ANKRD27: variants seen among roughly 807,000 people sequenced by gnomAD.
ANKRD27 encodes ankyrin repeat domain-containing protein 27.
Under a neutral mutation model 129.7 loss-of-function variants are expected in ANKRD27, and 112 were observed. The ratio of observed to expected loss-of-function variants is 0.86; its 90% confidence interval spans 0.74 to 1.01. The LOEUF is 1.01. ANKRD27 is among the 50% of genes least tolerant of loss of function. The pLI is 0.00. For synonymous variants in ANKRD27, 516 were observed against 511.2 expected (o/e 1.01, Z -0.13); for missense variants, 1,258 against 1,300.5 (o/e 0.97, Z 0.50).
chr19:32,672,526 T>C (rs1238997186), intron 1 of ANKRD27, among the ~76,000 whole-genome samples: 1 of 152,164 alleles, frequency 6.6e-6, no homozygotes, highest in Non-Finnish European at 1.5e-5. Flanking sequence ...GGAACTCCAC[T>C]GTCCATATCC....
chr19:32,599,339 A>G (rs953527686), intron 28 of ANKRD27, among the ~76,000 whole-genome samples: 1 of 152,168 alleles, frequency 6.6e-6, no homozygotes, highest in African/African-American at 2.4e-5. Context: ...TGTCTGAGCA[A>G]CTGTACACCA....
chr19:32,619,220 C>A, intron 20 of ANKRD27, 40 bp downstream of exon 20: 1 of 1,593,590 alleles, frequency 6.3e-7, no homozygotes, highest in Non-Finnish European at 8.5e-7. Flanking sequence ...CCAGGGCCGC[C>A]AAGGCCTCCC....
intron 20 of ANKRD27, 120 bp downstream of exon 20, chr19:32,619,140 C>G (rs1971967622): frequency 7.3e-7 from 1 of 1,361,950 alleles, no homozygotes; most frequent in African/African-American, 1.4e-5. Flanking sequence ...CAGCAGCGGC[C>G]TCAGCATGGG....
chr19:32,656,331 G>A (rs1967536315), intron 2 of ANKRD27, among the ~76,000 whole-genome samples: 3 of 152,212 alleles, frequency 2.0e-5, no homozygotes, highest in Admixed American at 6.5e-5. Flanking sequence ...AAGACAGGAA[G>A]AGAGGAAATA....
At chr19:32,636,663 C>G (rs1261355249) in intron 12 of ANKRD27, among the ~76,000 whole-genome samples, 1 of 151,242 alleles carries the variant, frequency 6.6e-6, no homozygotes, top group Non-Finnish European at 1.5e-5. Flanking sequence ...AAATATTAGT[C>G]TTCTAATTAG....
At chr19:32,655,616 C>T (rs900597555) in intron 2 of ANKRD27, among the ~76,000 whole-genome samples, 2 of 152,134 alleles carry the variant, frequency 1.3e-5, no homozygotes, top group African/African-American at 4.8e-5. Flanking sequence ...CATGGTGGCT[C>T]ATACCTGTAA....
At chr19:32,604,191 T>A (rs779811610) in intron 25 of ANKRD27, 72 bp downstream of exon 25, 182 of 1,496,750 alleles carry the variant, frequency 1.2e-4, no homozygotes, top group Non-Finnish European at 1.6e-4. Flanking sequence ...TAGATCCAGC[T>A]TAAACAAAGG....
At chr19:32,657,462 A>AG (rs978058268) in intron 2 of ANKRD27, among the ~76,000 whole-genome samples, 2 of 107,406 alleles carry the variant, frequency 1.9e-5, no homozygotes, top group African/African-American at 1.4e-4. Flanking sequence ...GCTCTGTCTC[A>AG]AAAAAAAAAA....
At position 32,639,401 on chromosome 19, in the gene ANKRD27, A is replaced by C. The variant is rs1967151663; in HGVS notation, c.1071T>G (p.Ala357=). The C allele has an allele frequency of 6.2e-7, 1 of 1,614,238 alleles. No individual in the cohort carries two copies. Among genetic ancestry groups the C allele is most frequent in the East Asian group, 2.2e-5 (1 of 44,882 alleles). ...TTCCTTGCCGAATATATTCAATGGC[A>C]GCTTCGAATGAGGTCAGGCAGTATC... ...ELGYCLTSFE[A]AIEYIRQGSL... is the part of the protein sequence containing the mutation. Residue 357 remains alanine (A), a synonymous_variant, in exon 12 of 29, where the codon GCT becomes GCG. Coordinates refer to ENST00000306065, the MANE Select transcript of ANKRD27 (RefSeq NM_032139.3).
At chr19:32,645,935 C>A (rs1967294701) in intron 4 of ANKRD27, among the ~76,000 whole-genome samples, 1 of 150,762 alleles carries the variant, frequency 6.6e-6, no homozygotes, top group African/African-American at 2.4e-5. Context: ...CACGCCCAGC[C>A]TACTTTTTAT....
chr19:32,599,895 C>G (rs1009779396), intron 27 of ANKRD27, 77 bp downstream of exon 27: 1 of 1,514,796 alleles, frequency 6.6e-7, no homozygotes, highest in African/African-American at 1.4e-5. Flanking sequence ...TAACCAATTA[C>G]AATTGAAGCA....
At position 32,598,403 on chromosome 19, in the gene ANKRD27, C is replaced by G. The variant is rs199836316; in HGVS notation, c.2920-25G>C. 17 of 1,609,132 alleles carry G rather than the reference C, an allele frequency of 1.1e-5. No homozygotes were observed. The East Asian group carries it at 3.8e-4, about 36-fold the overall frequency. ...GCTAAAGAAAAAGTACATTTTTAACCGTTGACGTCCTCACTGTACTGGAAG... is the reference window on the plus strand; with the variant it reads ...GCTAAAGAAAAAGTACATTTTTAACGGTTGACGTCCTCACTGTACTGGAAG... On this transcript the variant is annotated intron_variant, in intron 28 of 28. Coordinates refer to ENST00000306065, the MANE Select transcript of ANKRD27 (RefSeq NM_032139.3).
Position 32,598,270 on chromosome 19 carries a change from G to A in ANKRD27, c.3028C>T (p.Gln1010Ter). ...SDWPERPGLTQTGPGHRRMLR... is the reference protein window; with the variant it reads ...SDWPERPGLT ...ATCCGTCTGTGTCCAGGGCCAGTCTGTGTCAGTCCAGGCCTCTCTGGCCAG... is the reference window on the plus strand; with the variant it reads ...ATCCGTCTGTGTCCAGGGCCAGTCTATGTCAGTCCAGGCCTCTCTGGCCAG... Residue 1010 changes from glutamine to a stop codon, truncating the protein, a stop_gained, in exon 29 of 29, where the codon CAG (glutamine) becomes TAG (stop). Coordinates refer to ENST00000306065, the MANE Select transcript of ANKRD27 (RefSeq NM_032139.3). LOFTEE classifies it low-confidence loss of function (END_TRUNC). 2 of 1,614,182 alleles carry A rather than the reference G, an allele frequency of 1.2e-6. No individual in the cohort carries two copies. The highest frequency in any genetic ancestry group is 1.6e-4 in the Middle Eastern group (1 of 6,062).
intron 18 of ANKRD27, among the ~76,000 whole-genome samples, chr19:32,620,376 T>G (rs1971990396): frequency 1.3e-5 from 2 of 149,560 alleles, no homozygotes; most frequent in South Asian, 4.2e-4. Flanking sequence ...CTGGCCAACA[T>G]GATGAAACCC....
At chr19:32,631,033 C>CT (rs1451946331) in intron 13 of ANKRD27, among the ~76,000 whole-genome samples, 2 of 150,002 alleles carry the variant, frequency 1.3e-5, no homozygotes, top group African/African-American at 4.9e-5. Context: ...TTTTTTTTTT[C>CT]TTTTTGAGAC....
chr19:32,616,860 A>C (rs944640158), intron 21 of ANKRD27, among the ~76,000 whole-genome samples: 9 of 151,754 alleles, frequency 5.9e-5, no homozygotes, highest in Non-Finnish European at 1.2e-4. Flanking sequence ...CCTCACAAAC[A>C]CCACTGGGCT....
At chr19:32,606,488 A>C (rs530661412) in intron 23 of ANKRD27, among the ~76,000 whole-genome samples, 81 of 109,142 alleles carry the variant, frequency 7.4e-4, no homozygotes, top group African/African-American at 2.4e-3. Flanking sequence ...TTAGACTCTC[A>C]GGAGAAAAGG....
chr19:32,664,651 A>T (rs889775874), intron 1 of ANKRD27, among the ~76,000 whole-genome samples: 1 of 144,880 alleles, frequency 6.9e-6, no homozygotes, highest in East Asian at 2.0e-4. Context: ...TAATAATAAT[A>T]ATAATAATAA....
At chr19:32,669,863 G>A in intron 1 of ANKRD27, among the ~76,000 whole-genome samples, 1 of 152,076 alleles carries the variant, frequency 6.6e-6, no homozygotes, top group Middle Eastern at 3.4e-3. Flanking sequence ...TGGGCGTGGT[G>A]ATGGGCACCT....
Sources: allele counts gnomAD v4.1 joint callset (sites outside exome capture counted in the v4.1 genomes callset), GRCh38; gene constraint gnomAD v4.1.1; transcripts MANE v1.5; gene names NCBI Gene and HGNC (gene_info 2026-07-23, HGNC 2026-07-21).